Variants in CHN1 observed in about 807,000 individuals in gnomAD.
CHN1 encodes N-chimaerin.
A neutral mutation model predicts 59.5 loss-of-function variants in CHN1; 37 were observed. The observed-to-expected ratio is 0.62, with a 90% CI of 0.48 to 0.82. The LOEUF is 0.82. CHN1 is among the 40% of genes least tolerant of loss of function. The probability of loss-of-function intolerance (pLI) is 0.00; values close to 1 mark genes in which losing one functional copy is unlikely to be tolerated. For missense variants in CHN1, 469 were observed against 571.0 expected (o/e 0.82, Z 1.82); for synonymous variants, 206 against 200.4 (o/e 1.03, Z -0.24).
intron 3 of CHN1, among the ~76,000 whole-genome samples, chr2:174,935,052 A>T (rs1006814897): frequency 6.6e-6 from 1 of 152,194 alleles, no homozygotes; most frequent in Non-Finnish European, 1.5e-5. Flanking sequence ...TTTCACTTCT[A>T]TAGTCTAAAC....
At position 174,961,506 on chromosome 2, in the gene CHN1, G is replaced by A. The variant is rs576544880; in HGVS notation, c.20-9304C>T. ...CTCGGGAGGCTGAGGCAGGAGAATC[G>A]CTTGAACCCGGGAGGCGGAGGTTGC... On this transcript the variant is annotated intron_variant, in intron 1 of 12. Transcript: ENST00000409900. Among the ~76,000 whole-genome samples, 988 of 151,956 alleles carry A rather than the reference G, an allele frequency of 6.5e-3. 16 individuals are homozygous for A. The highest frequency in any genetic ancestry group is 0.022 in the African/African-American group (931 of 41,434).
intron 1 of CHN1, among the ~76,000 whole-genome samples, chr2:174,974,836 A>G (rs1453052169): frequency 1.3e-5 from 2 of 151,298 alleles, no homozygotes. Flanking sequence ...TTGAGTTCTC[A>G]GTATATATGC....
At position 174,951,184 on chromosome 2, in the gene CHN1, A is replaced by G. The variant is rs114865128; in HGVS notation, c.58+980T>C. Among the ~76,000 whole-genome samples, 979 of 152,334 alleles carry G rather than the reference A, an allele frequency of 6.4e-3. 16 individuals are homozygous for G. The highest frequency in any genetic ancestry group is 0.022 in the African/African-American group (930 of 41,576). On this transcript the variant is annotated intron_variant, in intron 2 of 12. Coordinates refer to ENST00000409900, the MANE Select transcript of CHN1 (RefSeq NM_001822.7). ...TACACATTCGTATAACTATACTCCC[A>G]AGGGAAAAAGAAAAAGGCACTAGCA...
chr2:174,900,085 G>A (rs994180222), intron 5 of CHN1, among the ~76,000 whole-genome samples: 10 of 152,200 alleles, frequency 6.6e-5, no homozygotes, highest in Admixed American at 3.3e-4. Flanking sequence ...ATATTTTGAA[G>A]AAAGTATTAA....
chr2:174,944,985 T>C lies in CHN1; in HGVS notation c.59-42A>G, dbSNP rs369202977. On this transcript the variant is annotated intron_variant, in intron 2 of 12. Transcript: ENST00000409900. Reference sequence around the variant, plus strand: ...ACAAAAAGTGTCAATGTCCCTTACATAGAACTTATCAATATATTAGAAATA... The same window carrying C: ...ACAAAAAGTGTCAATGTCCCTTACACAGAACTTATCAATATATTAGAAATA... The C allele has an allele frequency of 6.3e-5, 87 of 1,391,572 alleles. No homozygotes were observed. The Middle Eastern group carries it at 7.0e-4, about 11-fold the overall frequency. The allele number at this position is 1,391,572 out of a possible 1,614,324, so 86.2% of individuals were successfully genotyped here.
At chr2:174,996,053 T>C (rs1037518490) in intron 1 of CHN1, among the ~76,000 whole-genome samples, 3 of 152,226 alleles carry the variant, frequency 2.0e-5, no homozygotes, top group African/African-American at 4.8e-5. Context: ...TAGTAGATAA[T>C]AGGGTTCTGT....
chr2:174,968,658 C>T (rs212366), intron 1 of CHN1, among the ~76,000 whole-genome samples: 69,155 of 152,074 alleles, frequency 0.45, 16,441 homozygotes, highest in African/African-American at 0.57. Flanking sequence ...GGGGCTGTAA[C>T]GTTTCTTGCT....
intron 3 of CHN1, among the ~76,000 whole-genome samples, chr2:174,942,114 A>T (rs1164443713): frequency 6.6e-6 from 1 of 152,206 alleles, no homozygotes; most frequent in African/African-American, 2.4e-5. Flanking sequence ...CCACTAAAAA[A>T]CTAAAAATAG....
In CHN1 at chr2:174,864,570, T is replaced by C. The variant is rs915130108; in HGVS notation, c.549+13270A>G. Among the ~76,000 whole-genome samples, 3 of 152,276 alleles carry C rather than the reference T, an allele frequency of 2.0e-5. No individual in the cohort carries two copies. The East Asian group carries it at 5.8e-4, about 29-fold the overall frequency. On this transcript the variant is annotated intron_variant, in intron 6 of 12. Coordinates refer to ENST00000409900, the MANE Select transcript of CHN1 (RefSeq NM_001822.7). ...TCTCATTCTACTAAGTATACTGCTA[T>C]TTAAAATTCACATGTTCTGGCTGGG...
chr2:174,919,066 C>A (rs1166204122), intron 3 of CHN1, among the ~76,000 whole-genome samples: 3 of 152,094 alleles, frequency 2.0e-5, no homozygotes, highest in South Asian at 2.1e-4. Flanking sequence ...AGAAAAGTCC[C>A]AGCAAGATAA....
At chr2:174,981,110 A>G (rs1011971365) in intron 1 of CHN1, among the ~76,000 whole-genome samples, 7 of 152,180 alleles carry the variant, frequency 4.6e-5, no homozygotes, top group African/African-American at 1.7e-4. Flanking sequence ...ATATTTTTCA[A>G]TGTGCTCAAA....
intron 1 of CHN1, among the ~76,000 whole-genome samples, chr2:174,972,047 G>T (rs929879507): frequency 1.3e-5 from 2 of 152,120 alleles, no homozygotes; most frequent in Admixed American, 1.3e-4. Context: ...GCTAAACAAT[G>T]AACAATAATA....
At position 174,799,808 on chromosome 2, in the gene CHN1, G is replaced by A. The variant is rs559173291; in HGVS notation, c.*308C>T. 1.3e-5 allele frequency: 7 copies of A among 550,552 alleles called. No homozygotes were observed. Among genetic ancestry groups the A allele is most frequent in the Admixed American group, 4.4e-5 (2 of 45,478 alleles). The allele number at this position is 550,552 out of a possible 1,614,324, so 34.1% of individuals were successfully genotyped here. A position where few individuals can be genotyped will look rare whatever the true frequency, so the allele number is the denominator to read the frequency against. On this transcript the variant is annotated 3_prime_UTR_variant, in exon 13 of 13. Transcript: ENST00000409900. ...CACAGACTACCCAGGACGCAGAGGC[G>A]GTGCAGGCGCAGGTTTGTTGTTTCT...
At chr2:174,926,912 C>T (rs2105382850) in intron 3 of CHN1, among the ~76,000 whole-genome samples, 1 of 152,200 alleles carries the variant, frequency 6.6e-6, no homozygotes, top group Admixed American at 6.5e-5. Flanking sequence ...CGCCCGCCAC[C>T]ACGCCCAGCT....
intron 6 of CHN1, among the ~76,000 whole-genome samples, chr2:174,858,127 T>C (rs1686962731): frequency 6.6e-6 from 1 of 152,190 alleles, no homozygotes; most frequent in Admixed American, 6.5e-5. Context: ...AGTTTTCTCA[T>C]TCCTTTAGTG....
intron 1 of CHN1, among the ~76,000 whole-genome samples, chr2:174,994,174 A>C (rs1691633346): frequency 6.6e-6 from 1 of 152,258 alleles, no homozygotes; most frequent in African/African-American, 2.4e-5. Flanking sequence ...ATTTAGAAAC[A>C]TCTGCTGGTG....
intron 1 of CHN1, among the ~76,000 whole-genome samples, chr2:174,965,751 G>A (rs1690571271): frequency 6.6e-6 from 1 of 152,150 alleles, no homozygotes; most frequent in Non-Finnish European, 1.5e-5. Flanking sequence ...ATCCAAAAAT[G>A]TACGGCAATA....
At chr2:174,905,438 T>C (rs1367324957) in intron 5 of CHN1, among the ~76,000 whole-genome samples, 1 of 152,200 alleles carries the variant, frequency 6.6e-6, no homozygotes, top group Non-Finnish European at 1.5e-5. Context: ...TATCTTGAAA[T>C]CAGCTTTTTG....
chr2:174,880,822 C>T (rs1295857192), intron 5 of CHN1, among the ~76,000 whole-genome samples: 1 of 151,992 alleles, frequency 6.6e-6, no homozygotes, highest in African/African-American at 2.4e-5. Flanking sequence ...CTGAGGCGGG[C>T]GGATCACCTG....
Sources: gnomAD v4.1 joint callset for allele counts (sites outside exome capture counted in the v4.1 genomes callset) on GRCh38, gnomAD v4.1.1 for gene constraint, MANE v1.5 for transcripts, NCBI Gene and HGNC (gene_info 2026-07-23, HGNC 2026-07-21) for gene names.